The following SYTL2 variants were observed in gnomAD, a reference collection of about 807,000 sequenced individuals.
SYTL2 encodes synaptotagmin-like protein 2.
Under a neutral mutation model 198.7 loss-of-function variants are expected in SYTL2, and 165 were observed. The observed-to-expected ratio is 0.83, with a 90% CI of 0.73 to 0.94. The LOEUF (loss-of-function observed/expected upper bound fraction) is 0.94, where lower values mean the gene tolerates loss of function less well. Among genes scored for constraint, SYTL2 ranks in the 40% least tolerant of loss-of-function variants. The pLI, the probability that SYTL2 is intolerant of heterozygous loss-of-function variation, is 0.00. For missense variants in SYTL2, 2,835 were observed against 2,582.8 expected (o/e 1.10, Z -2.12); for synonymous variants, 966 against 917.7 (o/e 1.05, Z -0.95).
At chr11:85,768,146 A>T (rs750361981) in intron 1 of SYTL2, among the ~76,000 whole-genome samples, 4 of 152,178 alleles carry the variant, frequency 2.6e-5, no homozygotes, top group Admixed American at 6.5e-5. Context: ...GACCTGCTCA[A>T]TTCCATCTGG....
chr11:85,802,305 T>G (rs1283534468), intron 1 of SYTL2, among the ~76,000 whole-genome samples: 1 of 141,480 alleles, frequency 7.1e-6, no homozygotes, highest in Non-Finnish European at 1.5e-5. Flanking sequence ...CACTGCAACC[T>G]CTGCCTCCCA....
At chr11:85,703,740 T>A (rs2084694666) in intron 16 of SYTL2, among the ~76,000 whole-genome samples, 1 of 152,164 alleles carries the variant, frequency 6.6e-6, no homozygotes, top group Admixed American at 6.5e-5. Flanking sequence ...AACGGTAATG[T>A]CTTATGGGAC....
rs2088862374 is a variant in SYTL2 at position 85,724,633 on chromosome 11, T to C, written c.4725A>G (p.Ile1575Met). The C allele has an allele frequency of 1.2e-6, 2 of 1,613,212 alleles. No homozygotes were observed. The highest frequency in any genetic ancestry group is 2.2e-5 in the South Asian group (2 of 90,920). ...GGGGCTGATAAGGAGGAGCTTCAGT[T>C]ATTTCTTTAAGAAGTTTCTCAAAAC... ...DAGFEKLLKE[I>M]TEAPPYQPQV... The change falls in exon 8 of 20, where the codon ATA becomes ATG. Residue 1575 changes from isoleucine (I) to methionine (M), a missense_variant. Around this residue, in one of 3 missense-constraint regions of SYTL2, gnomAD observed 2,645 missense variants for 2,381.7 expected, o/e 1.11. Coordinates refer to ENST00000359152, the MANE Select transcript of SYTL2 (RefSeq NM_206927.4).
At chr11:85,833,094 A>AGAAG in the SYTL2 span, among the ~76,000 whole-genome samples, 4 of 34,388 alleles carry the variant, frequency 1.2e-4, no homozygotes, top group South Asian at 9.9e-4. Context: ...AAAGAAAGAA[A>AGAAG]GAAAGAAGGA....
chr11:85,833,092 AAAGAAAGAAGGAAGG>A, the SYTL2 span, among the ~76,000 whole-genome samples: 1 of 55,956 alleles, frequency 1.8e-5, no homozygotes, highest in Non-Finnish European at 4.1e-5. Flanking sequence ...AGAAAGAAAG[AAAGAAAGAAGGAAGG>A]AAGGAAGGAA....
chr11:85,786,709 G>A (rs2092641519), intron 1 of SYTL2, among the ~76,000 whole-genome samples: 1 of 152,164 alleles, frequency 6.6e-6, no homozygotes, highest in Non-Finnish European at 1.5e-5. Context: ...TCTCTATGGG[G>A]AGTTTAGAGG....
At chr11:85,762,147 C>A (rs950341245) in intron 1 of SYTL2, among the ~76,000 whole-genome samples, 1 of 152,140 alleles carries the variant, frequency 6.6e-6, no homozygotes, top group African/African-American at 2.4e-5. Context: ...GAACAAAACC[C>A]CTGTCTCTGT....
chr11:85,824,671 TG>T, the SYTL2 span, among the ~76,000 whole-genome samples: 1 of 152,210 alleles, frequency 6.6e-6, no homozygotes, highest in Non-Finnish European at 1.5e-5. Flanking sequence ...TCCTTTTCCC[TG>T]TCCTCCAGGA....
intron 7 of SYTL2, among the ~76,000 whole-genome samples, chr11:85,730,802 T>C (rs1403648266): frequency 1.3e-5 from 2 of 152,180 alleles, no homozygotes; most frequent in Admixed American, 6.5e-5. Flanking sequence ...GGAGGTCAAA[T>C]TGTCTCTTTT....
Position 85,724,604 on chromosome 11 carries a change from A to T in SYTL2, c.4754T>A (p.Val1585Glu), listed in dbSNP as rs2088856715. 1 of 1,613,190 alleles carries T rather than the reference A, an allele frequency of 6.2e-7. No homozygotes were observed. The highest frequency in any genetic ancestry group is 2.2e-5 in the East Asian group (1 of 44,902). ...ITEAPPYQPQVSVREETHEKE... is the reference protein window; with the variant it reads ...ITEAPPYQPQESVREETHEKE... ...CTCGTGAGTTTCTTCTCTCACTGACACCTGGGGCTGATAAGGAGGAGCTTC... is the reference window on the plus strand; with the variant it reads ...CTCGTGAGTTTCTTCTCTCACTGACTCCTGGGGCTGATAAGGAGGAGCTTC... Residue 1585 changes from valine (V) to glutamate (E), a missense_variant, in exon 8 of 20, where the codon GTG (valine) becomes GAG (glutamate). Physicochemically the swap from Val to Glu is moderately radical, Grantham distance 121 (BLOSUM62 -2). Around this residue, in one of 3 missense-constraint regions of SYTL2, gnomAD observed 2,645 missense variants for 2,381.7 expected, o/e 1.11. Coordinates refer to ENST00000359152, the MANE Select transcript of SYTL2 (RefSeq NM_206927.4).
intron 1 of SYTL2, among the ~76,000 whole-genome samples, chr11:85,792,971 T>G (rs941273642): frequency 2.3e-4 from 35 of 151,762 alleles, no homozygotes; most frequent in South Asian, 8.3e-4. Flanking sequence ...TCATTTTTTA[T>G]GGCTGCATAG....
At position 85,694,919 on chromosome 11, in the gene SYTL2, C is replaced by A. The variant is rs1022575943; in HGVS notation, c.*276G>T. Reference sequence around the variant, plus strand: ...ATACCCCATGTTTAATGCTCTGGGGCAGCTTTTTCTTTGAAGCAGCAGCAG... The same window carrying A: ...ATACCCCATGTTTAATGCTCTGGGGAAGCTTTTTCTTTGAAGCAGCAGCAG... On this transcript the variant is annotated 3_prime_UTR_variant, in exon 20 of 20. Coordinates refer to ENST00000359152, the MANE Select transcript of SYTL2 (RefSeq NM_206927.4). The A allele has an allele frequency of 1.1e-5, 3 of 270,958 alleles. No homozygotes were observed. The highest frequency in any genetic ancestry group is 1.4e-5 in the Non-Finnish European group (2 of 143,768). The allele number at this position is 270,958 out of a possible 1,614,324, so 16.8% of individuals were successfully genotyped here.
chr11:85,796,413 G>T (rs2092805216), intron 1 of SYTL2, among the ~76,000 whole-genome samples: 1 of 152,156 alleles, frequency 6.6e-6, no homozygotes, highest in Non-Finnish European at 1.5e-5. Flanking sequence ...CCCTGATTTA[G>T]AGAAATAATG....
At chr11:85,837,275 G>A in the SYTL2 span, among the ~76,000 whole-genome samples, 1 of 152,324 alleles carries the variant, frequency 6.6e-6, no homozygotes, top group East Asian at 1.9e-4. Context: ...GTAATGAAGG[G>A]TATAAGAGTG....
chr11:85,838,435 G>C, the SYTL2 span, among the ~76,000 whole-genome samples: 5 of 152,262 alleles, frequency 3.3e-5, no homozygotes, highest in East Asian at 9.6e-4. Flanking sequence ...CTGAGACTGG[G>C]TAATTTATAA....
the SYTL2 span, among the ~76,000 whole-genome samples, chr11:85,823,990 G>C: frequency 6.6e-6 from 1 of 152,158 alleles, no homozygotes; most frequent in Non-Finnish European, 1.5e-5. Context: ...GGGAAACCCT[G>C]AATGGGACTT....
chr11:85,727,007 A>T lies in SYTL2; in HGVS notation c.2351T>A (p.Val784Glu). 1 of 1,536,560 alleles carries T rather than the reference A, an allele frequency of 6.5e-7. No homozygotes were observed. Residue 784 changes from valine to glutamate, a missense_variant, in exon 8 of 20, where the codon GTG becomes GAG. Around this residue, in one of 3 missense-constraint regions of SYTL2, gnomAD observed 2,645 missense variants for 2,381.7 expected, o/e 1.11. Coordinates refer to ENST00000359152, the MANE Select transcript of SYTL2 (RefSeq NM_206927.4). ...CACTCTTTTGTATTTCTCTCTCTGC[A>T]CTTGGTTCTTGGGAACCTCACCAGC... ...QEAGEVPKNQ[V>E]QREKYKRVSD...
chr11:85,833,096 AAAG>A, the SYTL2 span, among the ~76,000 whole-genome samples: 2 of 55,306 alleles, frequency 3.6e-5, no homozygotes, highest in African/African-American at 1.2e-4. Flanking sequence ...AGAAAGAAAG[AAAG>A]AAGGAAGGAA....
chr11:85,788,909 G>A (rs2092679263), intron 1 of SYTL2, among the ~76,000 whole-genome samples: 1 of 151,496 alleles, frequency 6.6e-6, no homozygotes, highest in African/African-American at 2.4e-5. Context: ...ATAATCTTGT[G>A]TGGCACACAG....
Sources: gnomAD v4.1 joint callset for allele counts (sites outside exome capture counted in the v4.1 genomes callset) on GRCh38, gnomAD v4.1.1 for gene constraint, gnomAD v4.1.1 regional missense constraint, MANE v1.5 for transcripts, NCBI Gene and HGNC (gene_info 2026-07-23, HGNC 2026-07-21) for gene names.